The following MAGI1 variants were observed in gnomAD, a reference collection of about 807,000 sequenced individuals.
MAGI1 encodes membrane associated guanylate kinase, WW and PDZ domain containing 1.
MAGI1 carries 58 observed loss-of-function variants against 139.9 expected under a neutral mutation model. The observed-to-expected ratio is 0.41, with a 90% confidence interval of 0.34 to 0.52. MAGI1 has a LOEUF of 0.52. Ranked by LOEUF, MAGI1 falls within the 20% of genes least tolerant of loss-of-function variation. MAGI1 has a pLI of 0.12. For missense variants in MAGI1, 1,874 were observed against 1,901.6 expected (o/e 0.99, Z 0.27); for synonymous variants, 812 against 737.9 (o/e 1.10, Z -1.63).
At chr3:65,761,402 T>C (rs1438009699) in intron 1 of MAGI1, among the ~76,000 whole-genome samples, 1 of 152,110 alleles carries the variant, frequency 6.6e-6, no homozygotes, top group African/African-American at 2.4e-5. Context: ...AAAGGATAAA[T>C]TATATTTCCA....
intron 1 of MAGI1, among the ~76,000 whole-genome samples, chr3:65,770,345 T>A (rs531087729): frequency 6.6e-6 from 1 of 152,296 alleles, no homozygotes; most frequent in South Asian, 2.1e-4. Context: ...TGCTACCATA[T>A]GTTCATCTTT....
At chr3:65,406,987 G>T (rs1333329424) in intron 12 of MAGI1, among the ~76,000 whole-genome samples, 1 of 152,092 alleles carries the variant, frequency 6.6e-6, no homozygotes, top group Non-Finnish European at 1.5e-5. Context: ...AGCCTTCTCT[G>T]TTATTCGAAA....
intron 2 of MAGI1, among the ~76,000 whole-genome samples, chr3:65,578,682 C>T (rs775892127): frequency 1.1e-4 from 17 of 152,180 alleles, no homozygotes; most frequent in East Asian, 1.9e-4. Context: ...CACTTTGGGA[C>T]GCCGAGGTGG....
intron 1 of MAGI1, among the ~76,000 whole-genome samples, chr3:66,001,920 C>T (rs1037443098): frequency 6.6e-6 from 1 of 152,198 alleles, no homozygotes; most frequent in African/African-American, 2.4e-5. Flanking sequence ...TGATCACTAG[C>T]AAGGTCCAAA....
intron 7 of MAGI1, among the ~76,000 whole-genome samples, chr3:65,443,584 A>G (rs921257217): frequency 3.3e-5 from 5 of 152,236 alleles, no homozygotes; most frequent in African/African-American, 1.2e-4. Context: ...CCAAAACTTT[A>G]TTAAACAGGT....
In MAGI1 at chr3:65,530,624, GGT is replaced by G. The variant is rs57337916; in HGVS notation, c.431-36995_431-36994del. On this transcript the variant is annotated intron_variant, in intron 2 of 22. Coordinates refer to ENST00000402939, the MANE Select transcript of MAGI1 (RefSeq NM_001033057.2). ...GCAAGACACATACGTATGTGTGTGT[GGT>G]GTGTGTGTGTGTGTGTGTGTGTGTG... Among the ~76,000 whole-genome samples the G allele has an allele frequency of 8.7e-4, 112 of 129,280 alleles. 1 individual carries two copies. Among genetic ancestry groups the G allele is most frequent in the African/African-American group, 2.3e-3 (72 of 31,262 alleles). The allele number at this position is 129,280 out of a possible 152,430, so 84.8% of individuals were successfully genotyped here. A position where few individuals can be genotyped will look rare whatever the true frequency, so the allele number is the denominator to read the frequency against.
At chr3:65,423,141 A>C (rs778568057) in intron 12 of MAGI1, among the ~76,000 whole-genome samples, 2 of 152,164 alleles carry the variant, frequency 1.3e-5, no homozygotes, top group Non-Finnish European at 2.9e-5. Flanking sequence ...CAACATTATT[A>C]AGATATCACT....
chr3:65,470,421 C>T lies in MAGI1; in HGVS notation c.821G>A (p.Ser274Asn), dbSNP rs1216134767. 1 of 1,613,436 alleles carries T rather than the reference C, an allele frequency of 6.2e-7. No homozygotes were observed. The highest frequency in any genetic ancestry group is 1.7e-5 in the Admixed American group (1 of 59,902). The change falls in exon 5 of 23, where the codon AGC (serine) becomes AAC (asparagine). Residue 274 changes from serine (S) to asparagine (N), a missense_variant. Physicochemically the swap from Ser to Asn is conservative, Grantham distance 46. Coordinates refer to ENST00000402939, the MANE Select transcript of MAGI1 (RefSeq NM_001033057.2). ...QETALPPVNS[S>N]IIAAPITDPS... is the part of the protein sequence containing the mutation. ...GTCCGTGATGGGAGCAGCGATGATGCTACTATTCACAGGTGGTAATGCTGT... is the reference window on the plus strand; with the variant it reads ...GTCCGTGATGGGAGCAGCGATGATGTTACTATTCACAGGTGGTAATGCTGT...
intron 14 of MAGI1, among the ~76,000 whole-genome samples, chr3:65,389,403 T>A (rs1348476300): frequency 6.6e-6 from 1 of 152,172 alleles, no homozygotes; most frequent in East Asian, 1.9e-4. Context: ...CAATTCATTT[T>A]ATCACAAAAA....
intron 13 of MAGI1, among the ~76,000 whole-genome samples, chr3:65,395,001 C>G (rs1944268427): frequency 6.6e-6 from 1 of 152,120 alleles, no homozygotes; most frequent in African/African-American, 2.4e-5. Context: ...TTAACGAAAC[C>G]CTGTGCATAC....
At chr3:65,646,700 GT>G (rs2107281000) in intron 1 of MAGI1, among the ~76,000 whole-genome samples, 1 of 152,076 alleles carries the variant, frequency 6.6e-6, no homozygotes, top group East Asian at 1.9e-4. Flanking sequence ...TACAGAATGT[GT>G]TCTCTAAATA....
At chr3:65,819,291 AC>A in intron 1 of MAGI1, among the ~76,000 whole-genome samples, 1 of 151,764 alleles carries the variant, frequency 6.6e-6, no homozygotes, top group East Asian at 1.9e-4. Context: ...ATCTCAAAAA[AC>A]AAACAAACAA....
At chr3:65,492,463 C>T (rs911128632) in intron 3 of MAGI1, among the ~76,000 whole-genome samples, 8 of 152,094 alleles carry the variant, frequency 5.3e-5, no homozygotes, top group East Asian at 1.9e-4. Context: ...AAATAAATTA[C>T]GGTATGCCCA....
chr3:65,723,283 G>C (rs1445372263), intron 1 of MAGI1, among the ~76,000 whole-genome samples: 1 of 152,136 alleles, frequency 6.6e-6, no homozygotes, highest in Non-Finnish European at 1.5e-5. Context: ...GTGTCTACAA[G>C]AGCATCTTGT....
intron 1 of MAGI1, among the ~76,000 whole-genome samples, chr3:65,995,277 G>A (rs1413978645): frequency 6.6e-6 from 1 of 152,202 alleles, no homozygotes; most frequent in African/African-American, 2.4e-5. Flanking sequence ...ATATGGTCTA[G>A]AGATGGACTT....
chr3:65,733,453 A>T (rs1175863755), intron 1 of MAGI1, among the ~76,000 whole-genome samples: 2 of 152,220 alleles, frequency 1.3e-5, no homozygotes, highest in East Asian at 3.8e-4. Context: ...CTGTAATAAG[A>T]AAAACAAATA....
intron 2 of MAGI1, among the ~76,000 whole-genome samples, chr3:65,568,667 G>A (rs2080796329): frequency 6.6e-6 from 1 of 152,188 alleles, no homozygotes; most frequent in African/African-American, 2.4e-5. Flanking sequence ...GGTGCTGTAT[G>A]TTGGCTCCCA....
At chr3:65,481,823 TTAGG>T (rs1951312761) in intron 3 of MAGI1, among the ~76,000 whole-genome samples, 1 of 152,248 alleles carries the variant, frequency 6.6e-6, no homozygotes, top group African/African-American at 2.4e-5. Flanking sequence ...GGATTTTCCA[TTAGG>T]TACCTACCCT....
intron 1 of MAGI1, among the ~76,000 whole-genome samples, chr3:66,000,283 C>A (rs531574244): frequency 1.3e-5 from 2 of 152,110 alleles, no homozygotes; most frequent in African/African-American, 4.8e-5. Flanking sequence ...GCCCTTGTTC[C>A]CTTTTAATGA....
Sources: allele counts gnomAD v4.1 joint callset (sites outside exome capture counted in the v4.1 genomes callset), GRCh38; gene constraint gnomAD v4.1.1; transcripts MANE v1.5; gene names NCBI Gene and HGNC (gene_info 2026-07-23, HGNC 2026-07-21).